The following NID1 variants were observed in gnomAD, a reference collection of about 807,000 sequenced individuals.
NID1 encodes nidogen 1.
In NID1, 76 loss-of-function variants were observed where a neutral mutation model predicts 130.6. The observed-to-expected ratio is 0.58, with a 90% CI of 0.48 to 0.70. The LOEUF (loss-of-function observed/expected upper bound fraction) is 0.70. Ranked by LOEUF, NID1 falls within the 30% of genes least tolerant of loss-of-function variation. The probability of loss-of-function intolerance (pLI) is 0.00; values close to 1 mark genes in which losing one functional copy is unlikely to be tolerated. For synonymous variants in NID1, 665 were observed against 675.1 expected, an observed-to-expected ratio of 0.98 and a Z score of 0.23; for missense variants, 1,517 against 1,664.8, an observed-to-expected ratio of 0.91 and a Z score of 1.54.
At chr1:235,993,515 G>C (rs1279309009) in intron 13 of NID1, 130 bp downstream of exon 13, 1 of 804,072 alleles carries the variant, frequency 1.2e-6, no homozygotes, top group Non-Finnish European at 1.9e-6. Flanking sequence ...CAGCAGGAGC[G>C]GGTGGGGCTG....
chr1:235,984,971 C>T (rs1657531511), intron 15 of NID1, among the ~76,000 whole-genome samples: 4 of 152,098 alleles, frequency 2.6e-5, no homozygotes, highest in South Asian at 4.1e-4. Context: ...GGGCGGATCA[C>T]GAGGTCAGGA....
intron 16 of NID1, 59 bp from the exon 17 acceptor site, chr1:235,980,712 G>C (rs1193003524): frequency 2.6e-6 from 4 of 1,550,646 alleles, no homozygotes; most frequent in Non-Finnish European, 3.5e-6. Flanking sequence ...ATGAGAAAAA[G>C]TTTATGAAAA....
chr1:236,060,098 CAAAAAAAA>C (rs773686621), intron 1 of NID1, among the ~76,000 whole-genome samples: 2 of 50,978 alleles, frequency 3.9e-5, no homozygotes, highest in Non-Finnish European at 8.5e-5. Context: ...GACTCAGTCT[CAAAAAAAA>C]AAAAAAAAAA....
At chr1:236,020,065 C>CAAA (rs1421457779) in intron 9 of NID1, among the ~76,000 whole-genome samples, 1 of 107,722 alleles carries the variant, frequency 9.3e-6, no homozygotes, top group African/African-American at 3.5e-5. Flanking sequence ...AAAACAAAAA[C>CAAA]AAACTTCTTT....
chr1:236,063,336 G>A (rs919776044), intron 1 of NID1, among the ~76,000 whole-genome samples: 1 of 151,612 alleles, frequency 6.6e-6, no homozygotes, highest in Non-Finnish European at 1.5e-5. Flanking sequence ...GCCAAGTGTG[G>A]TGGCAGTCAT....
intron 2 of NID1, among the ~76,000 whole-genome samples, chr1:236,048,025 CAAAAAAA>C (rs57153446): frequency 1.4e-3 from 47 of 33,922 alleles, no homozygotes; most frequent in African/African-American, 5.8e-3. Flanking sequence ...GACTCCATCT[CAAAAAAA>C]AAAAAAAAAA....
intron 6 of NID1, 37 bp from the exon 7 acceptor site, chr1:236,029,787 G>A (rs1303953565): frequency 1.2e-6 from 2 of 1,606,634 alleles, no homozygotes; most frequent in African/African-American, 1.3e-5. Context: ...TTGCTGACTG[G>A]GGAGCGCGCC....
intron 12 of NID1, among the ~76,000 whole-genome samples, chr1:235,996,795 C>T (rs1394105146): frequency 6.6e-6 from 1 of 151,884 alleles, no homozygotes; most frequent in African/African-American, 2.4e-5. Flanking sequence ...CCAGGCTGGC[C>T]TCCAGCTCCT....
chr1:236,049,315 C>T (rs538409229), intron 1 of NID1, among the ~76,000 whole-genome samples: 19 of 152,150 alleles, frequency 1.2e-4, no homozygotes, highest in Non-Finnish European at 2.5e-4. Flanking sequence ...CATCTCTACA[C>T]AAAAATACCA....
chr1:236,046,597 T>C (rs1187443528), intron 2 of NID1, among the ~76,000 whole-genome samples: 2 of 151,004 alleles, frequency 1.3e-5, no homozygotes, highest in African/African-American at 2.4e-5. Flanking sequence ...CTGTGCAAGA[T>C]ACTGCGGATA....
chr1:236,042,319 A>C (rs1365487138), intron 3 of NID1, 27 bp from the exon 4 acceptor site: 1 of 1,586,208 alleles, frequency 6.3e-7, no homozygotes, highest in Admixed American at 1.7e-5. Flanking sequence ...GCTTCTTAGA[A>C]ACAGGCCAGC....
chr1:235,996,434 C>T (rs1245987455), intron 12 of NID1, among the ~76,000 whole-genome samples: 1 of 151,952 alleles, frequency 6.6e-6, no homozygotes, highest in African/African-American at 2.4e-5. Flanking sequence ...TAATTCTGTC[C>T]ATTTTCACTC....
In NID1 at chr1:236,002,767, C is replaced by T. The variant is rs765846247; in HGVS notation, c.2528-8895G>A. Among the ~76,000 whole-genome samples, 11 of 152,092 alleles carry T rather than the reference C, an allele frequency of 7.2e-5. No individual in the cohort carries two copies. In the South Asian group the frequency reaches 8.3e-4, roughly 11 times the overall value. ...AACCACAGGCTCAGCGATCACTCCG[C>T]GGATTTGGAAACGAGGCCATGTGAG... is the stretch of plus-strand genomic sequence containing the variant. On this transcript the variant is annotated intron_variant, in intron 12 of 19. Coordinates refer to ENST00000264187, the MANE Select transcript of NID1 (RefSeq NM_002508.3).
chr1:236,018,554 T>C (rs17552351), intron 9 of NID1, among the ~76,000 whole-genome samples: 5,374 of 152,316 alleles, frequency 0.035, 133 homozygotes, highest in Non-Finnish European at 0.054. Flanking sequence ...TGAGCTAACC[T>C]GTCATTCCCC....
chr1:236,040,154 G>A (rs1295949681), intron 4 of NID1, among the ~76,000 whole-genome samples: 3 of 152,094 alleles, frequency 2.0e-5, no homozygotes, highest in Non-Finnish European at 4.4e-5. Flanking sequence ...AGACAGGATG[G>A]AACTCAAAAC....
intron 12 of NID1, among the ~76,000 whole-genome samples, chr1:236,004,283 G>C (rs1346595213): frequency 6.6e-6 from 1 of 152,070 alleles, no homozygotes; most frequent in Non-Finnish European, 1.5e-5. Flanking sequence ...AAAGCAACAC[G>C]GTGATAAGGA....
At chr1:236,062,540 A>G (rs1039352400) in intron 1 of NID1, among the ~76,000 whole-genome samples, 1 of 150,210 alleles carries the variant, frequency 6.7e-6, no homozygotes, top group Non-Finnish European at 1.5e-5. Context: ...AGGCTGAGGC[A>G]GGAGAATCTC....
At chr1:236,013,264 A>G in intron 11 of NID1, 147 bp downstream of exon 11, 1 of 825,336 alleles carries the variant, frequency 1.2e-6, no homozygotes, top group Non-Finnish European at 1.9e-6. Context: ...TACTAGAGAG[A>G]TATAAAAAGC....
At chr1:236,000,425 T>C (rs368140315) in intron 12 of NID1, among the ~76,000 whole-genome samples, 39 of 152,286 alleles carry the variant, frequency 2.6e-4, no homozygotes, top group African/African-American at 8.9e-4. Flanking sequence ...ACTCAACCAA[T>C]TGACAATCAG....
Sources: allele counts gnomAD v4.1 joint callset (sites outside exome capture counted in the v4.1 genomes callset), GRCh38; gene constraint gnomAD v4.1.1; transcripts MANE v1.5; gene names NCBI Gene and HGNC (gene_info 2026-07-23, HGNC 2026-07-21).